NRXN1: variants seen among roughly 807,000 people sequenced by gnomAD.
The protein encoded by NRXN1 is neurexin 1.
In NRXN1, 39 loss-of-function variants were observed where a neutral mutation model predicts 150.9. The ratio of observed to expected loss-of-function variants is 0.26; its 90% CI spans 0.20 to 0.34. NRXN1 has a LOEUF of 0.34. Among genes scored for constraint, NRXN1 ranks in the 10% least tolerant of loss-of-function variants. The pLI, the probability that NRXN1 is intolerant of heterozygous loss-of-function variation, is 1.00. For synonymous variants in NRXN1, 924 were observed against 757.0 expected (o/e 1.22, Z -3.62); for missense variants, 1,815 against 1,949.9 (o/e 0.93, Z 1.30).
At chr2:50,512,536 A>C (rs938325604) in intron 12 of NRXN1, among the ~76,000 whole-genome samples, 9 of 152,224 alleles carry the variant, frequency 5.9e-5, no homozygotes, top group African/African-American at 2.2e-4. Flanking sequence ...AATAGCATTC[A>C]AGGGATGCAT....
chr2:50,151,468 T>C (rs2058692009), intron 18 of NRXN1, among the ~76,000 whole-genome samples: 1 of 151,762 alleles, frequency 6.6e-6, no homozygotes, highest in Non-Finnish European at 1.5e-5. Context: ...CTAATCACCC[T>C]ACTAGATTTT....
chr2:50,063,184 T>C (rs528396083), intron 19 of NRXN1, among the ~76,000 whole-genome samples: 1 of 152,318 alleles, frequency 6.6e-6, no homozygotes, highest in East Asian at 1.9e-4. Context: ...TGTTGTCATA[T>C]AGACCCTGCA....
intron 19 of NRXN1, among the ~76,000 whole-genome samples, chr2:50,064,496 A>T (rs1695054514): frequency 6.6e-6 from 1 of 151,712 alleles, no homozygotes; most frequent in African/African-American, 2.4e-5. Context: ...TCAGGGGGAA[A>T]TTTCTGCAAG....
At chr2:50,267,570 G>A (rs2069043959) in intron 17 of NRXN1, among the ~76,000 whole-genome samples, 2 of 152,042 alleles carry the variant, frequency 1.3e-5, no homozygotes, top group Admixed American at 6.5e-5. Flanking sequence ...GGGAGCAAAT[G>A]TTAGGCTTTT....
chr2:50,861,128 G>T (rs1335226493), intron 5 of NRXN1, among the ~76,000 whole-genome samples: 1 of 152,036 alleles, frequency 6.6e-6, no homozygotes, highest in Non-Finnish European at 1.5e-5. Flanking sequence ...GTCCCAAAGA[G>T]ATTTTATAGC....
At chr2:50,424,962 G>A (rs2084362756) in intron 17 of NRXN1, among the ~76,000 whole-genome samples, 1 of 152,130 alleles carries the variant, frequency 6.6e-6, no homozygotes, top group Non-Finnish European at 1.5e-5. Flanking sequence ...GTAACAATGA[G>A]AAACTGCTCA....
intron 2 of NRXN1, among the ~76,000 whole-genome samples, chr2:50,926,219 C>T (rs1686863948): frequency 6.6e-6 from 1 of 151,896 alleles, no homozygotes; most frequent in Non-Finnish European, 1.5e-5. Flanking sequence ...TTCAACTACC[C>T]AGTATAAAGC....
chr2:50,813,193 A>C (rs75574886), intron 5 of NRXN1, among the ~76,000 whole-genome samples: 1 of 119,350 alleles, frequency 8.4e-6, no homozygotes. Flanking sequence ...ACCTTGTCTC[A>C]AAAAAAAAAA....
At chr2:50,216,159 T>C (rs983655948) in intron 18 of NRXN1, among the ~76,000 whole-genome samples, 1 of 151,958 alleles carries the variant, frequency 6.6e-6, no homozygotes, top group Non-Finnish European at 1.5e-5. Flanking sequence ...AGTTTGAGGC[T>C]GCAGTGAGCT....
chr2:51,016,880 T>C (rs1287834537), intron 2 of NRXN1, among the ~76,000 whole-genome samples: 1 of 152,044 alleles, frequency 6.6e-6, no homozygotes, highest in East Asian at 1.9e-4. Context: ...ATAGACTGGA[T>C]AAAGAAAATG....
At chr2:50,422,884 C>T (rs576989185) in intron 17 of NRXN1, among the ~76,000 whole-genome samples, 25 of 152,236 alleles carry the variant, frequency 1.6e-4, no homozygotes, top group African/African-American at 5.8e-4. Context: ...TTCCTGACCA[C>T]TCTCAGTTTT....
intron 8 of NRXN1, chr2:50,554,299 C>T (rs1667924038): frequency 1.3e-5 from 2 of 152,112 alleles, no homozygotes; most frequent in South Asian, 2.1e-4. Context: ...CAAGACAACG[C>T]AGCAGTTATT....
At chr2:50,969,031 T>G (rs1694576475) in intron 2 of NRXN1, among the ~76,000 whole-genome samples, 1 of 152,078 alleles carries the variant, frequency 6.6e-6, no homozygotes, top group Non-Finnish European at 1.5e-5. Context: ...CCAGTAACAC[T>G]CCAAGCCTCT....
chr2:50,170,163 A>G (rs1025392947), intron 18 of NRXN1, among the ~76,000 whole-genome samples: 1 of 152,054 alleles, frequency 6.6e-6, no homozygotes, highest in East Asian at 1.9e-4. Flanking sequence ...ACACACACAC[A>G]CATATGTACA....
chr2:49,949,625 C>T (rs755010882), intron 21 of NRXN1, among the ~76,000 whole-genome samples: 4 of 146,014 alleles, frequency 2.7e-5, no homozygotes, highest in East Asian at 1.9e-4. Flanking sequence ...CAAATAAACC[C>T]GATTTATTCT....
rs561683852 is a variant in NRXN1 at position 50,829,459 on chromosome 2, C to G, written c.832+92410G>C. The stretch of plus-strand genomic sequence containing the variant: ...GGATTTTTCCCTTTGCTGATGTAGC[C>G]TGACAGCAGGAGGGAGCCTATAATA... On this transcript the variant is annotated intron_variant, in intron 5 of 22. Transcript: ENST00000401669. 18 of 1,553,510 alleles carry G rather than the reference C, an allele frequency of 1.2e-5. 1 individual carries two copies. In the South Asian group the frequency reaches 2.0e-4, roughly 17 times the overall value.
intron 18 of NRXN1, among the ~76,000 whole-genome samples, chr2:50,093,000 G>A (rs1699783299): frequency 6.6e-6 from 1 of 150,680 alleles, no homozygotes; most frequent in Non-Finnish European, 1.5e-5. Flanking sequence ...AAATTTTTCT[G>A]TAGAGTTATA....
intron 5 of NRXN1, among the ~76,000 whole-genome samples, chr2:50,625,847 A>G (rs1680929393): frequency 6.6e-6 from 1 of 152,210 alleles, no homozygotes; most frequent in South Asian, 2.1e-4. Context: ...TACGCTGGTG[A>G]TAAATAGTCA....
intron 2 of NRXN1, chr2:50,963,893 A>G (rs1693608610): frequency 2.9e-6 from 1 of 347,482 alleles, no homozygotes; most frequent in Admixed American, 3.5e-5. Context: ...AACTCAATAA[A>G]TATTTGTTTA....
Sources: allele counts gnomAD v4.1 joint callset (sites outside exome capture counted in the v4.1 genomes callset), GRCh38; gene constraint gnomAD v4.1.1; transcripts MANE v1.5; gene names NCBI Gene and HGNC (gene_info 2026-07-23, HGNC 2026-07-21).